PLCXD3: variants seen among roughly 807,000 people sequenced by gnomAD.
PLCXD3 encodes phosphatidylinositol specific phospholipase C X domain containing 3.
PLCXD3 carries 19 observed loss-of-function variants against 25.5 expected under a neutral mutation model. That is an observed-to-expected ratio of 0.75 (90% CI 0.52 to 1.09). The LOEUF is 1.09. PLCXD3 is among the 50% of genes least tolerant of loss of function. The pLI, the probability that PLCXD3 is intolerant of heterozygous loss-of-function variation, is 0.00. For missense variants in PLCXD3, 411 were observed against 388.1 expected (o/e 1.06, Z -0.50); for synonymous variants, 174 against 137.6 (o/e 1.26, Z -1.85).
intron 2 of PLCXD3, among the ~76,000 whole-genome samples, chr5:41,369,293 G>T (rs1307724716): frequency 6.6e-6 from 1 of 152,126 alleles, no homozygotes. Context: ...ATCAACATAT[G>T]CTGTCTGTTA....
At chr5:41,373,578 A>G (rs762969353) in intron 2 of PLCXD3, among the ~76,000 whole-genome samples, 1 of 152,030 alleles carries the variant, frequency 6.6e-6, no homozygotes, top group African/African-American at 2.4e-5. Context: ...AGCCCATGGA[A>G]CGGCCAGCCC....
At chr5:41,318,226 A>AG (rs1743357895) in intron 2 of PLCXD3, among the ~76,000 whole-genome samples, 1 of 152,188 alleles carries the variant, frequency 6.6e-6, no homozygotes, top group Non-Finnish European at 1.5e-5. Flanking sequence ...GACATTAATG[A>AG]GCAATAAATA....
At chr5:41,439,732 C>T (rs1451969169) in intron 1 of PLCXD3, among the ~76,000 whole-genome samples, 3 of 152,130 alleles carry the variant, frequency 2.0e-5, no homozygotes, top group African/African-American at 7.2e-5. Context: ...CTGTTATATG[C>T]AATGAAACTG....
At chr5:41,494,430 A>G (rs1748790612) in intron 1 of PLCXD3, among the ~76,000 whole-genome samples, 1 of 152,220 alleles carries the variant, frequency 6.6e-6, no homozygotes, top group Admixed American at 6.5e-5. Flanking sequence ...TTGTAGATAC[A>G]TTTTAGAGAA....
intron 2 of PLCXD3, among the ~76,000 whole-genome samples, chr5:41,358,134 T>C (rs1744671027): frequency 6.6e-6 from 1 of 152,200 alleles, no homozygotes; most frequent in African/African-American, 2.4e-5. Flanking sequence ...ATTGTTACTT[T>C]ATGCTTCACG....
In PLCXD3 at chr5:41,433,617, G is replaced by A. The variant is rs542977082; in HGVS notation, c.104-51083C>T. 4.1e-4 allele frequency among the ~76,000 whole-genome samples: 63 copies of A among 152,252 alleles called. 1 individual carries two copies. The highest frequency in any genetic ancestry group is 3.3e-3 in the Admixed American group (51 of 15,294). On this transcript the variant is annotated intron_variant, in intron 1 of 2. Coordinates refer to ENST00000377801, the MANE Select transcript of PLCXD3 (RefSeq NM_001005473.3). ...CTCAGGCACAGGAGAAATGAGACCT[G>A]AGCCCTTGGTGCCAAAGTGTTTCTT... is the stretch of plus-strand genomic sequence containing the variant.
intron 1 of PLCXD3, among the ~76,000 whole-genome samples, chr5:41,413,433 C>A (rs1746612413): frequency 6.6e-6 from 1 of 152,142 alleles, no homozygotes; most frequent in Non-Finnish European, 1.5e-5. Flanking sequence ...TTGCTAAACA[C>A]TATGATAGAT....
chr5:41,480,084 G>C (rs1431338483), intron 1 of PLCXD3, among the ~76,000 whole-genome samples: 1 of 152,148 alleles, frequency 6.6e-6, no homozygotes, highest in African/African-American at 2.4e-5. Flanking sequence ...CTGTTTTAGA[G>C]GGATACGAGC....
At chr5:41,477,171 G>C (rs914160944) in intron 1 of PLCXD3, among the ~76,000 whole-genome samples, 1 of 152,030 alleles carries the variant, frequency 6.6e-6, no homozygotes, top group Non-Finnish European at 1.5e-5. Context: ...TTTTCTCTGG[G>C]CCTCAGTTCT....
chr5:41,340,799 T>C (rs947289205), intron 2 of PLCXD3, among the ~76,000 whole-genome samples: 2 of 152,208 alleles, frequency 1.3e-5, no homozygotes, highest in African/African-American at 4.8e-5. Flanking sequence ...TTGCTAATTT[T>C]ATTGGGAACT....
intron 1 of PLCXD3, among the ~76,000 whole-genome samples, chr5:41,390,867 G>A (rs1237836107): frequency 1.3e-5 from 2 of 152,182 alleles, no homozygotes; most frequent in African/African-American, 2.4e-5. Context: ...CTACCCTGGC[G>A]GCAGTGGCCT....
At chr5:41,479,187 T>C (rs1561285278) in intron 1 of PLCXD3, among the ~76,000 whole-genome samples, 2 of 152,140 alleles carry the variant, frequency 1.3e-5, no homozygotes, top group Non-Finnish European at 2.9e-5. Flanking sequence ...TGATACAGTA[T>C]AAATGAAAGC....
chr5:41,458,919 A>G (rs538450251), intron 1 of PLCXD3, among the ~76,000 whole-genome samples: 1 of 151,940 alleles, frequency 6.6e-6, no homozygotes, highest in South Asian at 2.1e-4. Flanking sequence ...TTAGCTGTAC[A>G]TTTTTAAATT....
At chr5:41,406,033 A>G (rs1746340747) in intron 1 of PLCXD3, among the ~76,000 whole-genome samples, 1 of 152,080 alleles carries the variant, frequency 6.6e-6, no homozygotes, top group Non-Finnish European at 1.5e-5. Context: ...ATAAGCAAAT[A>G]CGTGAATCCT....
At chr5:41,435,130 T>C (rs147689631) in intron 1 of PLCXD3, among the ~76,000 whole-genome samples, 15 of 152,348 alleles carry the variant, frequency 9.8e-5, no homozygotes, top group African/African-American at 3.1e-4. Context: ...CAAAGGATTT[T>C]AAATGGTATC....
intron 1 of PLCXD3, among the ~76,000 whole-genome samples, chr5:41,480,754 C>T (rs1429180988): frequency 6.6e-6 from 1 of 151,946 alleles, no homozygotes; most frequent in Non-Finnish European, 1.5e-5. Context: ...AACCCCGTCT[C>T]TACTAAAAAT....
chr5:41,396,943 C>G (rs1425223249), intron 1 of PLCXD3, among the ~76,000 whole-genome samples: 1 of 152,116 alleles, frequency 6.6e-6, no homozygotes, highest in African/African-American at 2.4e-5. Flanking sequence ...CTTGCTGCTT[C>G]TAAAAGCCTA....
chr5:41,332,599 T>C (rs1743853256), intron 2 of PLCXD3, among the ~76,000 whole-genome samples: 2 of 152,092 alleles, frequency 1.3e-5, no homozygotes, highest in African/African-American at 4.8e-5. Flanking sequence ...ACTGAGTATA[T>C]ACCCAAAGGA....
chr5:41,427,253 C>T (rs1356918214), intron 1 of PLCXD3, among the ~76,000 whole-genome samples: 1 of 152,088 alleles, frequency 6.6e-6, no homozygotes, highest in Non-Finnish European at 1.5e-5. Context: ...CTACTCATGA[C>T]TCTTATCCTC....
Sources: allele counts gnomAD v4.1 joint callset (sites outside exome capture counted in the v4.1 genomes callset), GRCh38; gene constraint gnomAD v4.1.1; transcripts MANE v1.5; gene names NCBI Gene and HGNC (gene_info 2026-07-23, HGNC 2026-07-21).